The following CFAP61 variants were observed in gnomAD, a reference collection of about 807,000 sequenced individuals.
The protein encoded by CFAP61 is cilia- and flagella-associated protein 61.
In CFAP61, 107 loss-of-function variants were observed where a neutral mutation model predicts 135.6. That is an observed-to-expected ratio of 0.79 (90% confidence interval 0.67 to 0.93). CFAP61 has a LOEUF of 0.93. Among genes scored for constraint, CFAP61 ranks in the 40% least tolerant of loss-of-function variants. The pLI, the probability that CFAP61 is intolerant of heterozygous loss-of-function variation, is 0.00. For missense variants in CFAP61, 1,507 were observed against 1,556.2 expected, an observed-to-expected ratio of 0.97 and a Z score of 0.53; for synonymous variants, 575 against 578.5, an observed-to-expected ratio of 0.99 and a Z score of 0.09.
intron 9 of CFAP61, among the ~76,000 whole-genome samples, chr20:20,143,313 G>A (rs2051573624): frequency 6.6e-6 from 1 of 152,140 alleles, no homozygotes; most frequent in Non-Finnish European, 1.5e-5. Flanking sequence ...CAATGGGACA[G>A]CATTTTCCTT....
chr20:20,286,017 TAAA>T (rs11473095), intron 22 of CFAP61, among the ~76,000 whole-genome samples: 2 of 143,498 alleles, frequency 1.4e-5, no homozygotes, highest in African/African-American at 5.2e-5. Flanking sequence ...AAAGCAAACT[TAAA>T]AAAAAAAAAA....
intron 13 of CFAP61, among the ~76,000 whole-genome samples, chr20:20,185,317 A>T (rs183440772): frequency 3.3e-4 from 50 of 152,340 alleles, no homozygotes; most frequent in Non-Finnish European, 4.9e-4. Flanking sequence ...TTGGTGGAGG[A>T]TGGCTTGTCA....
At chr20:20,166,517 T>C (rs1157292849) in intron 12 of CFAP61, 81 bp downstream of exon 12, 5 of 1,092,286 alleles carry the variant, frequency 4.6e-6, no homozygotes, top group East Asian at 4.8e-5. Context: ...AAATTTATTA[T>C]GCTGTGAATG....
chr20:20,311,103 A>G (rs1168061773), intron 25 of CFAP61, among the ~76,000 whole-genome samples: 1 of 152,222 alleles, frequency 6.6e-6, no homozygotes, highest in Non-Finnish European at 1.5e-5. Context: ...GCTACACAGT[A>G]TCTTGAGTGT....
chr20:20,157,367 C>T (rs1206381644), intron 9 of CFAP61, among the ~76,000 whole-genome samples: 1 of 152,168 alleles, frequency 6.6e-6, no homozygotes, highest in African/African-American at 2.4e-5. Flanking sequence ...GCCATTATGC[C>T]TGGCCTAATT....
chr20:20,308,684 A>ATG (rs2056629467), intron 25 of CFAP61, among the ~76,000 whole-genome samples: 1 of 152,192 alleles, frequency 6.6e-6, no homozygotes, highest in Admixed American at 6.5e-5. Context: ...TTGTTGTCAG[A>ATG]GCCCAAGTCT....
chr20:20,185,391 G>A (rs761047625), intron 13 of CFAP61, among the ~76,000 whole-genome samples: 2 of 152,182 alleles, frequency 1.3e-5, no homozygotes, highest in African/African-American at 2.4e-5. Context: ...GAGAGAGGTG[G>A]TGGAGGCTGG....
At chr20:20,121,203 T>C (rs559913409) in intron 8 of CFAP61, among the ~76,000 whole-genome samples, 1 of 148,278 alleles carries the variant, frequency 6.7e-6, no homozygotes, top group African/African-American at 2.5e-5. Flanking sequence ...CCTTTCAGGC[T>C]CAAGCAATCC....
intron 2 of CFAP61, among the ~76,000 whole-genome samples, chr20:20,064,278 T>G (rs928354484): frequency 6.6e-6 from 1 of 152,212 alleles, no homozygotes. Context: ...TTTTCACAAT[T>G]TCACGGATTA....
intron 8 of CFAP61, among the ~76,000 whole-genome samples, chr20:20,135,480 G>A (rs1370332448): frequency 6.6e-6 from 1 of 152,134 alleles, no homozygotes; most frequent in Non-Finnish European, 1.5e-5. Flanking sequence ...TGAAAGAATT[G>A]TCTGTGCTCA....
At chr20:20,336,650 A>T (rs2058202818) in intron 25 of CFAP61, among the ~76,000 whole-genome samples, 1 of 152,190 alleles carries the variant, frequency 6.6e-6, no homozygotes, top group Non-Finnish European at 1.5e-5. Flanking sequence ...ATTTTAAGAA[A>T]ATTTGGAAGT....
chr20:20,276,521 C>T (rs2053779263), intron 21 of CFAP61, among the ~76,000 whole-genome samples: 1 of 152,124 alleles, frequency 6.6e-6, no homozygotes, highest in Non-Finnish European at 1.5e-5. Context: ...CATCAAAATG[C>T]TCTTACACAA....
chr20:20,075,622 T>C lies in CFAP61; in HGVS notation c.566+7T>C. 1.2e-6 allele frequency: 2 copies of C among 1,613,850 alleles called. No individual in the cohort carries two copies. Among genetic ancestry groups the C allele is most frequent in the Non-Finnish European group, 1.7e-6 (2 of 1,179,794 alleles). ...TGCACGTTCGCAAAGCCAGGTACAG[T>C]TGGAGTCATGCCTTGTGTGACCTAA... is the stretch of plus-strand genomic sequence containing the variant. On this transcript the variant is annotated splice_region_variant and intron_variant, in intron 6 of 26. Coordinates refer to ENST00000245957, the MANE Select transcript of CFAP61 (RefSeq NM_015585.4).
At chr20:20,345,446 T>C (rs894434321) in intron 26 of CFAP61, among the ~76,000 whole-genome samples, 2 of 152,202 alleles carry the variant, frequency 1.3e-5, no homozygotes, top group African/African-American at 4.8e-5. Context: ...ATGTAAACCA[T>C]TTTATTTCAC....
chr20:20,063,014 T>G (rs1265654585), intron 2 of CFAP61, among the ~76,000 whole-genome samples: 3 of 152,170 alleles, frequency 2.0e-5, no homozygotes, highest in African/African-American at 7.2e-5. Flanking sequence ...CCAATAAATT[T>G]GAAAATATGG....
chr20:20,135,836 T>A (rs2050883398), intron 8 of CFAP61, among the ~76,000 whole-genome samples: 1 of 152,250 alleles, frequency 6.6e-6, no homozygotes, highest in South Asian at 2.1e-4. Flanking sequence ...CAATGAGTTT[T>A]GTATCTTCAG....
intron 4 of CFAP61, 94 bp downstream of exon 4, chr20:20,074,472 T>A: frequency 9.6e-7 from 1 of 1,036,650 alleles, no homozygotes; most frequent in East Asian, 2.4e-5. Flanking sequence ...CTTTGGGGTG[T>A]TTAATTTGCT....
At chr20:20,205,414 G>A (rs1272419085) in intron 17 of CFAP61, among the ~76,000 whole-genome samples, 1 of 152,206 alleles carries the variant, frequency 6.6e-6, no homozygotes, top group African/African-American at 2.4e-5. Flanking sequence ...GCAGTTGGTT[G>A]CCAAAACTCC....
At chr20:20,263,194 T>TC in intron 21 of CFAP61, 64 bp downstream of exon 21, 1 of 1,222,690 alleles carries the variant, frequency 8.2e-7, no homozygotes, top group Non-Finnish European at 1.1e-6. Context: ...TGAGTCTCAT[T>TC]CTTCATCTAG....
Sources: allele counts gnomAD v4.1 joint callset (sites outside exome capture counted in the v4.1 genomes callset), GRCh38; gene constraint gnomAD v4.1.1; transcripts MANE v1.5; gene names NCBI Gene and HGNC (gene_info 2026-07-23, HGNC 2026-07-21).